Variants in CEP128 observed in about 807,000 individuals in gnomAD.
CEP128 encodes centrosomal protein 128, also known as centrosomal protein 128kDa.
In CEP128, 132 loss-of-function variants were observed where a neutral mutation model predicts 156.7. The ratio of observed to expected loss-of-function variants is 0.84; its 90% CI spans 0.73 to 0.97. CEP128 has a LOEUF of 0.97. CEP128 is among the 50% of genes least tolerant of loss of function. CEP128 has a pLI of 0.00. For missense variants in CEP128, 1,252 were observed against 1,281.9 expected (o/e 0.98, Z 0.36); for synonymous variants, 469 against 448.9 (o/e 1.04, Z -0.57).
chr14:80,740,538 A>ATAGG (rs1898773328), intron 19 of CEP128, among the ~76,000 whole-genome samples: 2 of 148,368 alleles, frequency 1.3e-5, no homozygotes, highest in African/African-American at 4.9e-5. Flanking sequence ...AGATAGATAG[A>ATAGG]TAGATAGACA....
At chr14:80,588,754 C>T (rs777105596) in intron 19 of CEP128, among the ~76,000 whole-genome samples, 1 of 152,026 alleles carries the variant, frequency 6.6e-6, no homozygotes. Context: ...TCCTTAAAAA[C>T]TTAATGTTAA....
At chr14:80,880,795 G>A (rs1226059073) in intron 8 of CEP128, among the ~76,000 whole-genome samples, 2 of 149,872 alleles carry the variant, frequency 1.3e-5, no homozygotes, top group African/African-American at 4.9e-5. Context: ...TCTCGGAGGT[G>A]GAGGTTGCAG....
intron 17 of CEP128, 145 bp downstream of exon 17, chr14:80,761,292 C>T (rs950082480): frequency 7.2e-6 from 4 of 555,774 alleles, no homozygotes; most frequent in African/African-American, 3.7e-5. Context: ...AGATCCAGCG[C>T]CTTATTCTAA....
chr14:80,497,726 C>A, intron 24 of CEP128, 144 bp from the exon 25 acceptor site: 1 of 623,044 alleles, frequency 1.6e-6, no homozygotes, highest in Non-Finnish European at 2.8e-6. Context: ...TAACAGACCT[C>A]CAAGCTAAGA....
At chr14:80,935,863 C>A (rs75373902) in intron 2 of CEP128, among the ~76,000 whole-genome samples, 1 of 152,056 alleles carries the variant, frequency 6.6e-6, no homozygotes. Context: ...ACTAATGTAA[C>A]CCCAACAGTA....
At chr14:80,883,082 T>C in intron 8 of CEP128, among the ~76,000 whole-genome samples, 1 of 152,208 alleles carries the variant, frequency 6.6e-6, no homozygotes, top group East Asian at 1.9e-4. Context: ...GGATAAACAC[T>C]TGAGGTAATG....
intron 2 of CEP128, among the ~76,000 whole-genome samples, chr14:80,925,407 G>T (rs889905762): frequency 6.7e-6 from 1 of 150,116 alleles, no homozygotes; most frequent in Non-Finnish European, 1.5e-5. Flanking sequence ...GAAAAGAAGG[G>T]TTTCAAAAAA....
intron 21 of CEP128, among the ~76,000 whole-genome samples, chr14:80,553,432 T>C (rs1368784265): frequency 6.6e-6 from 1 of 152,242 alleles, no homozygotes. Flanking sequence ...TGTGATGCCA[T>C]TTGTGTCAAA....
At chr14:80,838,876 T>C (rs1176702412) in intron 10 of CEP128, among the ~76,000 whole-genome samples, 2 of 152,112 alleles carry the variant, frequency 1.3e-5, no homozygotes, top group African/African-American at 4.8e-5. Context: ...CGATAAAAAA[T>C]GTGACCAGTT....
chr14:80,958,886 T>C (rs552715313), intron 1 of CEP128, among the ~76,000 whole-genome samples: 2 of 152,304 alleles, frequency 1.3e-5, no homozygotes, highest in South Asian at 2.1e-4. Flanking sequence ...TGGTTTAAAA[T>C]GTAAGGTATT....
At chr14:80,839,877 C>T (rs774877145) in intron 10 of CEP128, among the ~76,000 whole-genome samples, 1 of 152,040 alleles carries the variant, frequency 6.6e-6, no homozygotes, top group Non-Finnish European at 1.5e-5. Context: ...GTGAAGAAAT[C>T]ATACTTGAAG....
At chr14:80,701,256 G>C (rs982710143) in intron 19 of CEP128, among the ~76,000 whole-genome samples, 1 of 152,154 alleles carries the variant, frequency 6.6e-6, no homozygotes, top group Non-Finnish European at 1.5e-5. Context: ...AGGCAGCTGA[G>C]AGTGTAGCTG....
intron 17 of CEP128, among the ~76,000 whole-genome samples, chr14:80,757,988 T>C (rs1338524292): frequency 2.0e-5 from 3 of 152,362 alleles, no homozygotes; most frequent in Non-Finnish European, 4.4e-5. Context: ...ATTTCCTTCC[T>C]CTTCCAGTTC....
chr14:80,554,595 A>G (rs1042652194), intron 21 of CEP128, among the ~76,000 whole-genome samples: 1 of 152,036 alleles, frequency 6.6e-6, no homozygotes, highest in Non-Finnish European at 1.5e-5. Flanking sequence ...TTTGAAAATT[A>G]TATTTTTCTA....
chr14:80,678,753 G>A (rs1178046396), intron 19 of CEP128, among the ~76,000 whole-genome samples: 1 of 152,150 alleles, frequency 6.6e-6, no homozygotes, highest in Admixed American at 6.5e-5. Context: ...GACACTGAGA[G>A]GGAAAGACAC....
intron 19 of CEP128, among the ~76,000 whole-genome samples, chr14:80,699,202 T>C (rs934774532): frequency 6.6e-6 from 1 of 152,210 alleles, no homozygotes; most frequent in Non-Finnish European, 1.5e-5. Context: ...TCTGTAAGTA[T>C]CTAAGAATCT....
At chr14:80,720,080 A>C (rs1897757787) in intron 19 of CEP128, among the ~76,000 whole-genome samples, 1 of 152,110 alleles carries the variant, frequency 6.6e-6, no homozygotes, top group Non-Finnish European at 1.5e-5. Flanking sequence ...GAGGAGGCCA[A>C]AGCTATGTGC....
intron 17 of CEP128, among the ~76,000 whole-genome samples, chr14:80,760,417 T>G (rs1219417288): frequency 6.6e-6 from 1 of 151,710 alleles, no homozygotes; most frequent in Non-Finnish European, 1.5e-5. Context: ...AAACACAATT[T>G]AAGATAGAAA....
intron 2 of CEP128, among the ~76,000 whole-genome samples, chr14:80,934,164 C>A (rs1236566739): frequency 6.6e-6 from 1 of 152,196 alleles, no homozygotes; most frequent in East Asian, 1.9e-4. Flanking sequence ...AGCTTTCAAG[C>A]CTCCTGTCTT....
Sources: gnomAD v4.1 joint callset for allele counts (sites outside exome capture counted in the v4.1 genomes callset) on GRCh38, gnomAD v4.1.1 for gene constraint, MANE v1.5 for transcripts, NCBI Gene and HGNC (gene_info 2026-07-23, HGNC 2026-07-21) for gene names.